Variants in PLAGL1 observed in about 807,000 individuals in gnomAD.
The protein encoded by PLAGL1 is PLAG1 like zinc finger 1, also known as zinc finger protein PLAGL1.
PLAGL1 carries 1 observed loss-of-function variant against 4.6 expected under a neutral mutation model. The ratio of observed to expected loss-of-function variants is 0.22; its 90% CI spans 0.08 to 1.03. PLAGL1 has a LOEUF of 1.03. Ranked by LOEUF, PLAGL1 falls within the 50% of genes least tolerant of loss-of-function variation. The pLI, the probability that PLAGL1 is intolerant of heterozygous loss-of-function variation, is 0.58. For missense variants in PLAGL1, 464 were observed against 570.4 expected, an observed-to-expected ratio of 0.81 and a Z score of 1.90; for synonymous variants, 240 against 237.8, an observed-to-expected ratio of 1.01 and a Z score of -0.08.
intron 2 of PLAGL1, 130 bp from the exon 3 acceptor site, chr6:143,969,108 C>A: frequency 6.6e-6 from 1 of 152,090 alleles, no homozygotes; most frequent in East Asian, 1.9e-4. Flanking sequence ...AAAAATCTCT[C>A]TCCATCGACA....
chr6:144,002,095 T>C (rs777234203), intron 1 of PLAGL1, among the ~76,000 whole-genome samples: 1 of 152,222 alleles, frequency 6.6e-6, no homozygotes, highest in Non-Finnish European at 1.5e-5. Flanking sequence ...TTTGGTACTT[T>C]ACAAGGGTTA....
In PLAGL1 at chr6:143,965,059, T is replaced by C. The variant is rs1356297679; in HGVS notation, c.-430-241A>G. On this transcript the variant is annotated intron_variant, in intron 4 of 7. Coordinates refer to ENST00000674357, the MANE Select transcript of PLAGL1 (RefSeq NM_001317162.2). The surrounding 1 kb of genome is among the most constrained non-coding windows in gnomAD (Gnocchi z 7.5). ...ATGGCTGATTTCCATAAGATGGAAATGATTGCATGCTGGAAACTGAGATGC... is the reference window on the plus strand; with the variant it reads ...ATGGCTGATTTCCATAAGATGGAAACGATTGCATGCTGGAAACTGAGATGC... 1.3e-5 allele frequency: 2 copies of C among 152,094 alleles called. No individual in the cohort carries two copies. The highest frequency in any genetic ancestry group is 2.9e-5 in the Non-Finnish European group (2 of 68,008). 9.4% of individuals were successfully genotyped at this position (152,094 alleles called of 1,614,324 possible).
Position 143,953,898 on chromosome 6 carries a change from G to T in PLAGL1, c.-324-5438C>A, listed in dbSNP as rs1005882405. On this transcript the variant is annotated intron_variant, in intron 6 of 7. Transcript: ENST00000674357. The surrounding 1 kb of genome is among the most constrained non-coding windows in gnomAD (Gnocchi z 5.3). Reference sequence around the variant, plus strand: ...GAAAGCAGCAGGTGAAAGTCTGTTAGTGAAGCACTGAGCCCTCCTGACCTC... The same window carrying T: ...GAAAGCAGCAGGTGAAAGTCTGTTATTGAAGCACTGAGCCCTCCTGACCTC... Among the ~76,000 whole-genome samples the T allele has an allele frequency of 4.6e-5, 7 of 152,210 alleles. No individual in the cohort carries two copies. The highest frequency in any genetic ancestry group is 7.3e-5 in the Non-Finnish European group (5 of 68,038).
At position 143,942,438 on chromosome 6, in the gene PLAGL1, G is replaced by A. The variant is rs1778841778; in HGVS notation, c.378C>T (p.Ala126=). The A allele has an allele frequency of 6.2e-7, 1 of 1,614,118 alleles. No individual in the cohort carries two copies. The highest frequency in any genetic ancestry group is 8.5e-7 in the Non-Finnish European group (1 of 1,180,002). The change falls in exon 8 of 8, where the codon GCC becomes GCT. Residue 126 remains alanine, a synonymous_variant. Transcript: ENST00000674357. The surrounding 1 kb of genome is among the most constrained non-coding windows in gnomAD (Gnocchi z 7.6). ...GCACCTCGGTGCTCCCTAGCTCCAG[G>A]GCACAGACCCCACAGGTGAGGTCCC... ...SSGDLTCGVC[A]LELGSTEVLL...
rs1780583289 is a variant in PLAGL1, at chr6:143,949,579, A to G, written c.-324-1119T>C. Among the ~76,000 whole-genome samples, 1 of 152,222 alleles carries G rather than the reference A, an allele frequency of 6.6e-6. No homozygotes were observed. The highest frequency in any genetic ancestry group is 1.5e-5 in the Non-Finnish European group (1 of 68,034). On this transcript the variant is annotated intron_variant, in intron 6 of 7. Transcript: ENST00000674357. The surrounding 1 kb of genome is among the most constrained non-coding windows in gnomAD (Gnocchi z 5.3). ...ACCTGCCAGGGTAAAGCCCTGGATC[A>G]CTACCACCCTGTGCTATTCTAGAGA...
intron 1 of PLAGL1, among the ~76,000 whole-genome samples, chr6:144,040,565 T>C (rs1583838333): frequency 6.7e-6 from 1 of 149,164 alleles, no homozygotes; most frequent in East Asian, 2.0e-4. Flanking sequence ...GAAAACAATG[T>C]CTAAAAAAAA....
Position 143,962,486 on chromosome 6 carries a change from T to C in PLAGL1, c.-398-1944A>G, listed in dbSNP as rs1296142720. ...GGCAGATGGTAAACAGATTAGTTAA[T>C]TGTTTTAAATGAAGGGGGAAATATT... On this transcript the variant is annotated intron_variant, in intron 5 of 7. Coordinates refer to ENST00000674357, the MANE Select transcript of PLAGL1 (RefSeq NM_001317162.2). The surrounding 1 kb of genome is among the most constrained non-coding windows in gnomAD (Gnocchi z 5.3). Among the ~76,000 whole-genome samples the C allele has an allele frequency of 6.6e-6, 1 of 152,228 alleles. No homozygotes were observed. Among genetic ancestry groups the C allele is most frequent in the African/African-American group, 2.4e-5 (1 of 41,464 alleles).
At chr6:143,976,892 A>G (rs1233689186) in intron 2 of PLAGL1, among the ~76,000 whole-genome samples, 4 of 152,248 alleles carry the variant, frequency 2.6e-5, no homozygotes, top group South Asian at 2.1e-4. Context: ...ATAGACATGT[A>G]GTGCTACAAA....
intron 1 of PLAGL1, among the ~76,000 whole-genome samples, chr6:144,026,495 C>G (rs113341819): frequency 0.025 from 3,808 of 152,164 alleles, 175 homozygotes; most frequent in African/African-American, 0.088. Context: ...GAATTTATAG[C>G]AGCTGTCTAG....
At position 143,962,552 on chromosome 6, in the gene PLAGL1, G is replaced by A. The variant is rs1275356931; in HGVS notation, c.-398-2010C>T. On this transcript the variant is annotated intron_variant, in intron 5 of 7. Coordinates refer to ENST00000674357, the MANE Select transcript of PLAGL1 (RefSeq NM_001317162.2). The surrounding 1 kb of genome is among the most constrained non-coding windows in gnomAD (Gnocchi z 5.3). ...TTATTCGTTGATGACAAAAACCAAA[G>A]TTTCATAGAGTGTATGAGTTCCAGG... 6.6e-6 allele frequency among the ~76,000 whole-genome samples: 1 copy of A among 152,178 alleles called. No individual in the cohort carries two copies.
intron 1 of PLAGL1, among the ~76,000 whole-genome samples, chr6:144,017,405 C>T (rs76573522): frequency 0.026 from 3,937 of 152,214 alleles, 200 homozygotes; most frequent in African/African-American, 0.091. Flanking sequence ...CCCATGATAA[C>T]ATCTTTGAAG....
At position 143,963,388 on chromosome 6, in the gene PLAGL1, A is replaced by G. The variant is rs1029033440; in HGVS notation, c.-399+1399T>C. 1.3e-5 allele frequency among the ~76,000 whole-genome samples: 2 copies of G among 152,182 alleles called. No individual in the cohort carries two copies. Among genetic ancestry groups the G allele is most frequent in the Non-Finnish European group, 2.9e-5 (2 of 68,022 alleles). On this transcript the variant is annotated intron_variant, in intron 5 of 7. Coordinates refer to ENST00000674357, the MANE Select transcript of PLAGL1 (RefSeq NM_001317162.2). The surrounding 1 kb of genome is among the most constrained non-coding windows in gnomAD (Gnocchi z 6.1). ...TGGGGCTTCAAACGTTAACCCACAGACTTGCTCCTCCTCCAGCACTGCCTG... is the reference window on the plus strand; with the variant it reads ...TGGGGCTTCAAACGTTAACCCACAGGCTTGCTCCTCCTCCAGCACTGCCTG...
chr6:143,943,450 C>T (rs549545908), intron 7 of PLAGL1, among the ~76,000 whole-genome samples: 2 of 152,168 alleles, frequency 1.3e-5, no homozygotes, highest in South Asian at 4.2e-4. Context: ...CCATCCTTAA[C>T]CTCAGAAAAG....
rs1371985763 is a variant in PLAGL1 at position 144,021,528 on chromosome 6, C to T, written c.-151+42940G>A. On this transcript the variant is annotated intron_variant, in intron 1 of 3. Coordinates refer to the PLAGL1 transcript ENST00000437412. ...CTGCTTTTTAATGATGGAATAACTA[C>T]ATGGAGGAAGGATGTAGAGAAATTC... Among the ~76,000 whole-genome samples, 3 of 152,176 alleles carry T rather than the reference C, an allele frequency of 2.0e-5. No individual in the cohort carries two copies. The South Asian group carries it at 6.2e-4, about 31-fold the overall frequency.
At chr6:144,060,076 C>T (rs531683323) in intron 1 of PLAGL1, among the ~76,000 whole-genome samples, 11 of 151,582 alleles carry the variant, frequency 7.3e-5, no homozygotes, top group African/African-American at 2.4e-4. Context: ...TAAATAGGGT[C>T]TTACTCTGTT....
Position 143,959,580 on chromosome 6 carries a change from A to G in PLAGL1, c.-325+889T>C, listed in dbSNP as rs1782909420. On this transcript the variant is annotated intron_variant, in intron 6 of 7. Transcript: ENST00000674357. This position sits in a 1 kb window ranked among gnomAD's most constrained non-coding sequence, Gnocchi z 5.3. ...TAGGAGTCGGAATACTATTTAATAA[A>G]CTATTTCAGTTGAGCTCATAAAGCT... is the stretch of plus-strand genomic sequence containing the variant. Among the ~76,000 whole-genome samples, 1 of 152,214 alleles carries G rather than the reference A, an allele frequency of 6.6e-6. No individual in the cohort carries two copies. The highest frequency in any genetic ancestry group is 2.4e-5 in the African/African-American group (1 of 41,450).
Position 143,947,530 on chromosome 6 carries a change from C to T in PLAGL1, c.152+455G>A, listed in dbSNP as rs1780045171. Among the ~76,000 whole-genome samples, 1 of 152,244 alleles carries T rather than the reference C, an allele frequency of 6.6e-6. No homozygotes were observed. The highest frequency in any genetic ancestry group is 2.4e-5 in the African/African-American group (1 of 41,464). Reference sequence around the variant, plus strand: ...GCTCCTCCTCGGATAGTACCCTCTGCACATGGGTGCTTTAAGGCCAAGACT... The same window carrying T: ...GCTCCTCCTCGGATAGTACCCTCTGTACATGGGTGCTTTAAGGCCAAGACT... On this transcript the variant is annotated intron_variant, in intron 7 of 7. Transcript: ENST00000674357. This position sits in a 1 kb window ranked among gnomAD's most constrained non-coding sequence, Gnocchi z 4.3.
At chr6:144,037,706 G>A (rs144987051) in intron 1 of PLAGL1, 26 of 120,920 alleles carry the variant, frequency 2.2e-4, no homozygotes, top group Non-Finnish European at 1.8e-5. Flanking sequence ...TATGAACTAT[G>A]TTTTTTATTT....
upstream of PLAGL1, among the ~76,000 whole-genome samples, chr6:144,010,911 A>C (rs1795131046): frequency 6.6e-6 from 1 of 152,220 alleles, no homozygotes; most frequent in Admixed American, 6.5e-5. The surrounding 1 kb of genome is among the most constrained non-coding windows in gnomAD (Gnocchi z 4.1). Context: ...ATATGCAGAA[A>C]ACTGAAACTG....
Sources: allele counts gnomAD v4.1 joint callset (sites outside exome capture counted in the v4.1 genomes callset), GRCh38; gene constraint gnomAD v4.1.1; non-coding constraint Gnocchi (gnomAD v3.1); transcripts MANE v1.5; gene names NCBI Gene and HGNC (gene_info 2026-07-23, HGNC 2026-07-21).